RAB38: variants seen among roughly 807,000 people sequenced by gnomAD.
RAB38 encodes the protein RAB38, member RAS oncogene family, also known as ras-related protein Rab-38.
Under a neutral mutation model 18.4 loss-of-function variants are expected in RAB38, and 15 were observed. That is an observed-to-expected ratio of 0.82 (90% CI 0.55 to 1.26). The LOEUF (loss-of-function observed/expected upper bound fraction) is 1.26. RAB38 is among the 50% of genes most tolerant of loss of function. The pLI, the probability that RAB38 is intolerant of heterozygous loss-of-function variation, is 0.00. For synonymous variants in RAB38, 101 were observed against 104.4 expected, an observed-to-expected ratio of 0.97 and a Z score of 0.20; for missense variants, 294 against 267.4, an observed-to-expected ratio of 1.10 and a Z score of -0.69.
At chr11:88,016,702 T>C in the RAB38 span, among the ~76,000 whole-genome samples, 1 of 152,098 alleles carries the variant, frequency 6.6e-6, no homozygotes, top group African/African-American at 2.4e-5. Flanking sequence ...AAATGTTTTC[T>C]TCCTTAAAAG....
the RAB38 span, among the ~76,000 whole-genome samples, chr11:88,072,303 C>T: frequency 3.3e-5 from 5 of 152,042 alleles, no homozygotes; most frequent in South Asian, 2.1e-4. Flanking sequence ...TGGACACAGC[C>T]GAGGAAACAA....
chr11:87,816,331 G>C, the RAB38 span: 4 of 152,394 alleles, frequency 2.6e-5, no homozygotes, highest in Non-Finnish European at 4.4e-5. Flanking sequence ...TGGTGCTGTG[G>C]GTTGTGGTAT....
chr11:87,939,945 T>G, the RAB38 span, among the ~76,000 whole-genome samples: 1 of 151,632 alleles, frequency 6.6e-6, no homozygotes, highest in Non-Finnish European at 1.5e-5. Context: ...AGTTTCACCT[T>G]AATAAACTAG....
the RAB38 span, among the ~76,000 whole-genome samples, chr11:87,804,422 C>T: frequency 6.6e-6 from 1 of 152,168 alleles, no homozygotes; most frequent in Admixed American, 6.5e-5. Context: ...ATCTTGTTTT[C>T]ACCATGATCA....
At chr11:88,037,732 T>C in the RAB38 span, among the ~76,000 whole-genome samples, 34 of 152,308 alleles carry the variant, frequency 2.2e-4, 1 homozygote, top group African/African-American at 7.9e-4. Flanking sequence ...ATAATGCTTT[T>C]GACATTCATC....
At chr11:88,093,046 C>A in the RAB38 span, among the ~76,000 whole-genome samples, 1 of 151,874 alleles carries the variant, frequency 6.6e-6, no homozygotes, top group Non-Finnish European at 1.5e-5. Flanking sequence ...AATTTTGTTT[C>A]CCTTGTTCCA....
chr11:87,920,890 A>T, the RAB38 span, among the ~76,000 whole-genome samples: 1 of 152,058 alleles, frequency 6.6e-6, no homozygotes, highest in Non-Finnish European at 1.5e-5. Flanking sequence ...TTGTTTTAGT[A>T]CATATTATAT....
the RAB38 span, among the ~76,000 whole-genome samples, chr11:87,955,032 A>G: frequency 6.6e-6 from 1 of 152,196 alleles, no homozygotes; most frequent in African/African-American, 2.4e-5. Flanking sequence ...ACAGACTGCA[A>G]AAGGAGCACA....
At chr11:87,875,781 A>G in the RAB38 span, among the ~76,000 whole-genome samples, 2 of 151,556 alleles carry the variant, frequency 1.3e-5, no homozygotes, top group Non-Finnish European at 3.0e-5. Context: ...GTTGTTGGCT[A>G]TAGTAGTACA....
chr11:88,024,009 C>T, the RAB38 span, among the ~76,000 whole-genome samples: 1 of 152,070 alleles, frequency 6.6e-6, no homozygotes, highest in South Asian at 2.1e-4. Context: ...AGCAATACCC[C>T]ACAAGCACAG....
the RAB38 span, among the ~76,000 whole-genome samples, chr11:87,919,840 TA>T: frequency 2.0e-5 from 3 of 152,090 alleles, no homozygotes; most frequent in Non-Finnish European, 1.5e-5. Flanking sequence ...GTGGATTTTA[TA>T]TGTCTAGGAA....
chr11:87,937,591 T>C, the RAB38 span, among the ~76,000 whole-genome samples: 3 of 151,726 alleles, frequency 2.0e-5, no homozygotes, highest in African/African-American at 7.3e-5. Context: ...GTTTTAAAAT[T>C]ATAAATCCAA....
the RAB38 span, among the ~76,000 whole-genome samples, chr11:88,031,921 A>G: frequency 6.6e-6 from 1 of 151,978 alleles, no homozygotes; most frequent in Non-Finnish European, 1.5e-5. Flanking sequence ...CGCATCGCCA[A>G]GTCAATCCTA....
chr11:88,135,920 T>C (rs1249105839), intron 2 of RAB38, among the ~76,000 whole-genome samples: 1 of 152,194 alleles, frequency 6.6e-6, no homozygotes, highest in African/African-American at 2.4e-5. Context: ...ACAATTTTAC[T>C]TACACTAGAA....
chr11:88,173,864 T>G (rs1025054147), intron 1 of RAB38: 10 of 985,444 alleles, frequency 1.0e-5, no homozygotes, highest in Non-Finnish European at 1.2e-5. Context: ...GCCTGGCAGT[T>G]CATGATTAAA....
chr11:87,852,366 A>T, the RAB38 span, among the ~76,000 whole-genome samples: 1 of 152,150 alleles, frequency 6.6e-6, no homozygotes, highest in African/African-American at 2.4e-5. Flanking sequence ...AACCCCATCA[A>T]CCTTCTAGTC....
chr11:87,839,467 G>C, the RAB38 span, among the ~76,000 whole-genome samples: 1 of 152,142 alleles, frequency 6.6e-6, no homozygotes, highest in Non-Finnish European at 1.5e-5. Flanking sequence ...TAGGTCACCT[G>C]ACTTTTCAGT....
At chr11:87,831,386 AG>A in the RAB38 span, among the ~76,000 whole-genome samples, 2 of 152,188 alleles carry the variant, frequency 1.3e-5, no homozygotes, top group Non-Finnish European at 2.9e-5. Context: ...GTTGTGGAAT[AG>A]ACTAAATAAG....
the RAB38 span, among the ~76,000 whole-genome samples, chr11:87,818,053 A>G: frequency 1.3e-5 from 2 of 152,284 alleles, no homozygotes; most frequent in African/African-American, 4.8e-5. Context: ...TTTGTCCCAT[A>G]CTATTTCTCA....
Sources: allele counts gnomAD v4.1 joint callset (sites outside exome capture counted in the v4.1 genomes callset), GRCh38; gene constraint gnomAD v4.1.1; transcripts MANE v1.5; gene names NCBI Gene and HGNC (gene_info 2026-07-23, HGNC 2026-07-21).